The following DOCK2 variants were observed in gnomAD, a reference collection of about 807,000 sequenced individuals.
DOCK2 encodes the protein dedicator of cytokinesis protein 2.
A neutral mutation model predicts 248.9 loss-of-function variants in DOCK2; 87 were observed. That is an observed-to-expected ratio of 0.35 (90% CI 0.29 to 0.42). DOCK2 has a LOEUF of 0.42. Among genes scored for constraint, DOCK2 ranks in the 10% least tolerant of loss-of-function variants. The pLI is 1.00. For missense variants in DOCK2, 1,747 were observed against 2,300.2 expected (o/e 0.76, Z 4.92); for synonymous variants, 805 against 821.6 (o/e 0.98, Z 0.35).
At chr5:170,045,099 AT>A (rs929528619) in intron 38 of DOCK2, among the ~76,000 whole-genome samples, 3 of 151,534 alleles carry the variant, frequency 2.0e-5, no homozygotes, top group Non-Finnish European at 2.9e-5. Context: ...AAAAGTCTTA[AT>A]TTTTTTTTAA....
At chr5:170,049,272 G>A (rs1272883387) in intron 40 of DOCK2, among the ~76,000 whole-genome samples, 12 of 152,112 alleles carry the variant, frequency 7.9e-5, no homozygotes, top group East Asian at 1.9e-4. Context: ...GTGCCACCAC[G>A]CCCAGCTAAT....
intron 27 of DOCK2, among the ~76,000 whole-genome samples, chr5:169,947,810 G>A (rs946729591): frequency 6.6e-6 from 1 of 152,142 alleles, no homozygotes; most frequent in African/African-American, 2.4e-5. Context: ...TGCTGGGTGA[G>A]CATGAGCATA....
intron 36 of DOCK2, among the ~76,000 whole-genome samples, chr5:170,038,305 G>A (rs529368426): frequency 6.6e-6 from 1 of 152,218 alleles, no homozygotes; most frequent in African/African-American, 2.4e-5. Flanking sequence ...AACACAGACG[G>A]CAAATCCCAG....
intron 27 of DOCK2, among the ~76,000 whole-genome samples, chr5:169,867,314 C>A (rs889304304): frequency 6.6e-6 from 1 of 152,138 alleles, no homozygotes; most frequent in Non-Finnish European, 1.5e-5. Flanking sequence ...TTTCCTGAGG[C>A]CTGCTCCTGA....
intron 25 of DOCK2, among the ~76,000 whole-genome samples, chr5:169,785,588 AT>A (rs935887764): frequency 3.3e-5 from 5 of 152,180 alleles, no homozygotes; most frequent in African/African-American, 1.2e-4. Flanking sequence ...AGATTGCAGT[AT>A]TTGAGTGTTT....
chr5:169,917,913 T>C (rs757655086), intron 27 of DOCK2, among the ~76,000 whole-genome samples: 21 of 152,110 alleles, frequency 1.4e-4, no homozygotes, highest in Non-Finnish European at 7.4e-5. Context: ...TAAAGAATGG[T>C]GTCTCATTTC....
chr5:169,885,168 G>A (rs1561795289), intron 27 of DOCK2, among the ~76,000 whole-genome samples: 2 of 152,208 alleles, frequency 1.3e-5, no homozygotes, highest in South Asian at 2.1e-4. Context: ...GTACATCCTC[G>A]TCACATTTTT....
intron 1 of DOCK2, among the ~76,000 whole-genome samples, chr5:169,637,726 T>G (rs1756906911): frequency 6.6e-6 from 1 of 152,092 alleles, no homozygotes; most frequent in Non-Finnish European, 1.5e-5. Flanking sequence ...TAGAGGGAGC[T>G]CCACTCTCCC....
intron 22 of DOCK2, among the ~76,000 whole-genome samples, chr5:169,722,622 T>G (rs1429197290): frequency 6.6e-6 from 1 of 152,238 alleles, no homozygotes; most frequent in African/African-American, 2.4e-5. Context: ...TAAATGGGGA[T>G]AAACCAGTTC....
Position 169,702,427 on chromosome 5 carries a change from T to C in DOCK2, c.1383T>C (p.Pro461=), listed in dbSNP as rs1561615872. 1.2e-6 allele frequency: 2 copies of C among 1,613,646 alleles called. No homozygotes were observed. The highest frequency in any genetic ancestry group is 1.7e-4 in the Middle Eastern group (1 of 6,046). Residue 461 remains proline, a splice_region_variant and synonymous_variant, in exon 14 of 52, where the codon CCT becomes CCC. Coordinates refer to ENST00000520908, the MANE Select transcript of DOCK2 (RefSeq NM_004946.3). ...GCGCGGAGGATGGCAAAACGCTGCC[T>C]GTAAGGGACTCACTGCTGCTCTGGG... ...CVCAEDGKTL[P]NAICVGAGDK...
chr5:170,079,364 C>A (rs1757947070), intron 49 of DOCK2: 1 of 554,128 alleles, frequency 1.8e-6, no homozygotes, highest in Admixed American at 3.2e-5. Flanking sequence ...GGGAGTTGAG[C>A]CCTGACCTTT....
intron 29 of DOCK2, among the ~76,000 whole-genome samples, chr5:169,986,924 A>C (rs1778083014): frequency 6.6e-6 from 1 of 152,222 alleles, no homozygotes; most frequent in Non-Finnish European, 1.5e-5. Context: ...ATAAGGGGAG[A>C]AGTTAAAAAG....
intron 22 of DOCK2, among the ~76,000 whole-genome samples, chr5:169,720,600 A>G (rs746465141): frequency 4.6e-5 from 7 of 152,090 alleles, no homozygotes; most frequent in Non-Finnish European, 8.8e-5. Flanking sequence ...AATTATACAG[A>G]GTTTGGAGCA....
chr5:170,008,825 C>T (rs1755167546), intron 32 of DOCK2, 79 bp downstream of exon 32: 5 of 1,552,424 alleles, frequency 3.2e-6, no homozygotes, highest in Non-Finnish European at 4.4e-6. Context: ...TGGAGGGCCA[C>T]AGGGGTTTTA....
At chr5:169,939,851 A>T in intron 27 of DOCK2, among the ~76,000 whole-genome samples, 1 of 152,250 alleles carries the variant, frequency 6.6e-6, no homozygotes, top group Non-Finnish European at 1.5e-5. Flanking sequence ...CAGGCACTGA[A>T]TAAGGTACTT....
At chr5:169,878,040 T>C (rs1403449575) in intron 27 of DOCK2, among the ~76,000 whole-genome samples, 2 of 152,222 alleles carry the variant, frequency 1.3e-5, no homozygotes, top group African/African-American at 4.8e-5. Flanking sequence ...CTGGGAGTTA[T>C]GTCTAGAAAA....
intron 27 of DOCK2, among the ~76,000 whole-genome samples, chr5:169,895,527 G>A (rs74888019): frequency 0.069 from 10,418 of 151,818 alleles, 398 homozygotes; most frequent in Non-Finnish European, 0.088. Flanking sequence ...CAGCATTCAC[G>A]CATCCTCTTC....
intron 27 of DOCK2, among the ~76,000 whole-genome samples, chr5:169,855,941 C>A (rs562970737): frequency 6.6e-6 from 1 of 152,282 alleles, no homozygotes; most frequent in South Asian, 2.1e-4. Flanking sequence ...AGGAAACTTA[C>A]AATCATGGCA....
chr5:169,970,696 C>T (rs1236197803), intron 27 of DOCK2, among the ~76,000 whole-genome samples: 2 of 152,324 alleles, frequency 1.3e-5, no homozygotes. Flanking sequence ...TTCTCTGGCC[C>T]TGCCAGGGTG....
Sources: gnomAD v4.1 joint callset for allele counts (sites outside exome capture counted in the v4.1 genomes callset) on GRCh38, gnomAD v4.1.1 for gene constraint, MANE v1.5 for transcripts, NCBI Gene and HGNC (gene_info 2026-07-23, HGNC 2026-07-21) for gene names.